The following SNX29 variants were observed in gnomAD, a reference collection of about 807,000 sequenced individuals.
SNX29 encodes sorting nexin 29.
In SNX29, 78 loss-of-function variants were observed where a neutral mutation model predicts 102.1. The ratio of observed to expected loss-of-function variants is 0.76; its 90% CI spans 0.64 to 0.92. The LOEUF (loss-of-function observed/expected upper bound fraction) is 0.92, where lower values mean the gene tolerates loss of function less well. Among genes scored for constraint, SNX29 ranks in the 40% least tolerant of loss-of-function variants. SNX29 has a pLI of 0.00. For synonymous variants in SNX29, 580 were observed against 414.5 expected, an observed-to-expected ratio of 1.40 and a Z score of -4.85; for missense variants, 1,280 against 1,061.7, an observed-to-expected ratio of 1.21 and a Z score of -2.86.
At chr16:12,158,278 C>T (rs1057004728) in intron 13 of SNX29, among the ~76,000 whole-genome samples, 2 of 152,120 alleles carry the variant, frequency 1.3e-5, no homozygotes, top group Non-Finnish European at 2.9e-5. Context: ...CGGCTTACTG[C>T]AATCTCCGCC....
chr16:12,550,314 G>T (rs966991273), intron 20 of SNX29, among the ~76,000 whole-genome samples: 2 of 152,102 alleles, frequency 1.3e-5, no homozygotes, highest in Admixed American at 6.6e-5. Flanking sequence ...AGGTGGTTGG[G>T]TCACCTGAGG....
intron 4 of SNX29, 104 bp downstream of exon 4, chr16:12,027,548 T>C: frequency 7.0e-7 from 1 of 1,424,238 alleles, no homozygotes; most frequent in Non-Finnish European, 9.5e-7. Flanking sequence ...CGCGTGGGAC[T>C]TGGTGGGGTG....
At chr16:12,266,436 C>T (rs1204694490) in intron 14 of SNX29, among the ~76,000 whole-genome samples, 3 of 152,184 alleles carry the variant, frequency 2.0e-5, no homozygotes, top group Non-Finnish European at 2.9e-5. Flanking sequence ...GTCACCTGTG[C>T]TTCCAACCAA....
At chr16:12,252,204 C>T (rs961452305) in intron 14 of SNX29, among the ~76,000 whole-genome samples, 2 of 152,186 alleles carry the variant, frequency 1.3e-5, no homozygotes. Flanking sequence ...GGAAACAGTC[C>T]ACAAGCTACA....
chr16:12,527,281 C>T (rs554462832), intron 20 of SNX29: 9 of 532,526 alleles, frequency 1.7e-5, no homozygotes, highest in East Asian at 1.2e-4. Flanking sequence ...CGTGTCCTTT[C>T]TCCATGTGCT....
At chr16:12,353,130 A>G (rs2082034377) in intron 15 of SNX29, among the ~76,000 whole-genome samples, 1 of 152,102 alleles carries the variant, frequency 6.6e-6, no homozygotes, top group South Asian at 2.1e-4. Flanking sequence ...ACCAAATGTC[A>G]AAGGATGTGA....
At chr16:12,543,664 C>CA (rs1474072653) in intron 20 of SNX29, among the ~76,000 whole-genome samples, 1 of 152,260 alleles carries the variant, frequency 6.6e-6, no homozygotes, top group Non-Finnish European at 1.5e-5. Context: ...GACGCTCTTC[C>CA]AGCCTGCATT....
chr16:12,336,773 C>T (rs974824057), intron 15 of SNX29, among the ~76,000 whole-genome samples: 4 of 151,988 alleles, frequency 2.6e-5, no homozygotes, highest in Non-Finnish European at 5.9e-5. Flanking sequence ...GGTGAAACTC[C>T]GTCTCTACTA....
intron 20 of SNX29, among the ~76,000 whole-genome samples, chr16:12,558,964 A>G (rs2078547838): frequency 6.6e-6 from 1 of 152,220 alleles, no homozygotes; most frequent in African/African-American, 2.4e-5. Flanking sequence ...TTCAGGTAAC[A>G]GAGGGATTCA....
At chr16:12,425,221 C>T (rs1345714911) in intron 18 of SNX29, among the ~76,000 whole-genome samples, 1 of 152,158 alleles carries the variant, frequency 6.6e-6, no homozygotes, top group African/African-American at 2.4e-5. Flanking sequence ...TTTCAGTGCT[C>T]AGGGTGAAAG....
At chr16:12,366,889 ACTCT>A (rs78636663) in intron 16 of SNX29, 8,644 of 88,298 alleles carry the variant, frequency 0.098, 643 homozygotes, top group East Asian at 0.42. Flanking sequence ...CCCCTGCCTG[ACTCT>A]CTCTCTCTGT....
At chr16:12,088,153 C>T (rs2052308758) in intron 11 of SNX29, 2 of 456,214 alleles carry the variant, frequency 4.4e-6, no homozygotes, top group African/African-American at 4.0e-5. Context: ...TGCAGCAGGC[C>T]TCACAGTGTC....
intron 14 of SNX29, among the ~76,000 whole-genome samples, chr16:12,257,829 C>T (rs1228437604): frequency 6.6e-6 from 1 of 152,036 alleles, no homozygotes; most frequent in Admixed American, 6.6e-5. Flanking sequence ...CACCCAGCAC[C>T]CACTCATAAA....
intron 13 of SNX29, among the ~76,000 whole-genome samples, chr16:12,161,964 C>T (rs899367631): frequency 6.6e-6 from 1 of 152,188 alleles, no homozygotes; most frequent in African/African-American, 2.4e-5. Flanking sequence ...GCAAAATGGA[C>T]TAATACAGTC....
intron 14 of SNX29, among the ~76,000 whole-genome samples, chr16:12,200,403 A>G (rs930038473): frequency 6.6e-6 from 1 of 152,168 alleles, no homozygotes; most frequent in South Asian, 2.1e-4. Flanking sequence ...CTCAGCCAAA[A>G]GACCGTAACA....
At chr16:12,253,514 G>A (rs960331431) in intron 14 of SNX29, among the ~76,000 whole-genome samples, 1 of 152,208 alleles carries the variant, frequency 6.6e-6, no homozygotes, top group Non-Finnish European at 1.5e-5. Flanking sequence ...CTTTAAGTGA[G>A]TCGGGATGAA....
At chr16:12,140,044 C>T (rs1314223692) in intron 13 of SNX29, among the ~76,000 whole-genome samples, 1 of 141,110 alleles carries the variant, frequency 7.1e-6, no homozygotes, top group Non-Finnish European at 1.5e-5. Flanking sequence ...TAGTAGGTGA[C>T]AGAAACCCAC....
intron 19 of SNX29, among the ~76,000 whole-genome samples, chr16:12,484,108 C>T (rs1208707694): frequency 6.6e-6 from 1 of 152,204 alleles, no homozygotes; most frequent in Admixed American, 6.5e-5. Flanking sequence ...TCGCAGTTCA[C>T]CTGCTTCCTG....
chr16:12,522,188 T>A (rs966795984), intron 19 of SNX29, among the ~76,000 whole-genome samples: 11 of 152,224 alleles, frequency 7.2e-5, no homozygotes, highest in African/African-American at 2.7e-4. Context: ...TTTTGTAGTC[T>A]AAGTGTATCG....
Sources: gnomAD v4.1 joint callset for allele counts (sites outside exome capture counted in the v4.1 genomes callset) on GRCh38, gnomAD v4.1.1 for gene constraint, MANE v1.5 for transcripts, NCBI Gene and HGNC (gene_info 2026-07-23, HGNC 2026-07-21) for gene names.